PLEKHM2: variants seen among roughly 807,000 people sequenced by gnomAD.
PLEKHM2 encodes pleckstrin homology domain-containing family M member 2.
In PLEKHM2, 77 loss-of-function variants were observed where a neutral mutation model predicts 116.3. That is an observed-to-expected ratio of 0.66 (90% CI 0.55 to 0.80). The LOEUF (loss-of-function observed/expected upper bound fraction) is 0.80. Ranked by LOEUF, PLEKHM2 falls within the 30% of genes least tolerant of loss-of-function variation. The pLI is 0.00. For synonymous variants in PLEKHM2, 562 were observed against 571.0 expected (o/e 0.98, Z 0.22); for missense variants, 1,183 against 1,354.9 (o/e 0.87, Z 1.99).
At chr1:15,733,106 G>C (rs1042701104) in intron 19 of PLEKHM2, among the ~76,000 whole-genome samples, 1 of 152,244 alleles carries the variant, frequency 6.6e-6, no homozygotes, top group African/African-American at 2.4e-5. Flanking sequence ...GGGTGATTGA[G>C]GGTGGCCTGG....
chr1:15,728,093 A>G lies in PLEKHM2; in HGVS notation c.1775A>G (p.His592Arg), dbSNP rs1039237522. 2 of 1,610,484 alleles carry G rather than the reference A, an allele frequency of 1.2e-6. No individual in the cohort carries two copies. Among genetic ancestry groups the G allele is most frequent in the African/African-American group, 1.3e-5 (1 of 74,858 alleles). Residue 592 changes from histidine (H) to arginine (R), a missense_variant, in exon 10 of 20, where the codon CAC (histidine) becomes CGC (arginine). Transcript: ENST00000375799. This position sits in a 1 kb window ranked among gnomAD's most constrained non-coding sequence, Gnocchi z 5.9. ...GGCCCTCACAGAGTAGACAACAATC[A>G]CCTGCTCCTGCTCATGATCCACGTG... ...HSSEFRVDNN[H>R]LLLLMIHVFR...
intron 1 of PLEKHM2, among the ~76,000 whole-genome samples, chr1:15,708,170 C>T (rs527614174): frequency 6.6e-6 from 1 of 151,664 alleles, no homozygotes; most frequent in Admixed American, 6.6e-5. Flanking sequence ...CCAGCGTGAG[C>T]CACTGCACCT....
intron 1 of PLEKHM2, among the ~76,000 whole-genome samples, chr1:15,712,859 G>C (rs920113457): frequency 6.6e-6 from 1 of 151,900 alleles, no homozygotes; most frequent in Non-Finnish European, 1.5e-5. Flanking sequence ...GGAGTGCAGT[G>C]GTGCAATCTT....
At chr1:15,733,042 G>A (rs2068169196) in intron 19 of PLEKHM2, among the ~76,000 whole-genome samples, 1 of 152,268 alleles carries the variant, frequency 6.6e-6, no homozygotes, top group Admixed American at 6.5e-5. Context: ...GCCCTGGGAG[G>A]TGGGTGTGGG....
chr1:15,718,649 C>T (rs1641496327), intron 5 of PLEKHM2, 24 bp downstream of exon 5: 1 of 686,388 alleles, frequency 1.5e-6, no homozygotes, highest in Non-Finnish European at 2.2e-6. Flanking sequence ...GCTCTCACTG[C>T]TTGTGGGAAG....
At chr1:15,709,316 CT>C (rs1193777774) in intron 1 of PLEKHM2, among the ~76,000 whole-genome samples, 2 of 152,162 alleles carry the variant, frequency 1.3e-5, no homozygotes, top group Non-Finnish European at 2.9e-5. Context: ...GTCCTCATTT[CT>C]TCGATGTTTG....
At chr1:15,711,620 A>C (rs1641331932) in intron 1 of PLEKHM2, among the ~76,000 whole-genome samples, 1 of 151,878 alleles carries the variant, frequency 6.6e-6, no homozygotes, top group South Asian at 2.1e-4. Flanking sequence ...CCATCTCAAA[A>C]AAAAAAAAGA....
chr1:15,720,490 C>T, intron 6 of PLEKHM2: 1 of 985,026 alleles, frequency 1.0e-6, no homozygotes. Flanking sequence ...AGCTGCAGGT[C>T]ATTTTGTTGT....
At chr1:15,693,521 G>A (rs142127011) in intron 1 of PLEKHM2, among the ~76,000 whole-genome samples, 1 of 152,340 alleles carries the variant, frequency 6.6e-6, no homozygotes, top group East Asian at 1.9e-4. Context: ...AAGGCCCTGT[G>A]TGATGATTTG....
At chr1:15,722,505 G>A (rs2068008653) in intron 7 of PLEKHM2, among the ~76,000 whole-genome samples, 1 of 152,162 alleles carries the variant, frequency 6.6e-6, no homozygotes, top group Non-Finnish European at 1.5e-5. Context: ...GAACAGGGGA[G>A]GTGAGGGAAC....
At chr1:15,720,222 C>G (rs979793577) in intron 6 of PLEKHM2, 2 of 399,382 alleles carry the variant, frequency 5.0e-6, no homozygotes, top group African/African-American at 4.4e-5. Flanking sequence ...GTTTTCTAAG[C>G]AAGGAAGGTT....
At position 15,730,581 on chromosome 1, in the gene PLEKHM2, C is replaced by A. The variant is rs1418243675; in HGVS notation, c.2258C>A (p.Pro753His). ...RFYGLVHWEDPTDESLGPTPC... is the reference protein window; with the variant it reads ...RFYGLVHWEDHTDESLGPTPC... ...TACGGCCTTGTGCACTGGGAGGACC[C>A]CACAGACGAGTCCCTGGGCCCCACG... The change falls in exon 15 of 20, where the codon CCC becomes CAC. Residue 753 changes from proline to histidine, a missense_variant. Coordinates refer to ENST00000375799, the MANE Select transcript of PLEKHM2 (RefSeq NM_015164.4). 1 of 1,605,286 alleles carries A rather than the reference C, an allele frequency of 6.2e-7. No individual in the cohort carries two copies. The highest frequency in any genetic ancestry group is 1.7e-5 in the Admixed American group (1 of 59,056).
chr1:15,712,198 A>G (rs2148352572), intron 1 of PLEKHM2, among the ~76,000 whole-genome samples: 1 of 152,220 alleles, frequency 6.6e-6, no homozygotes, highest in East Asian at 1.9e-4. Flanking sequence ...AAAGGCTGTG[A>G]ATACTTAGTT....
chr1:15,725,293 T>TCTC (rs1315486709), intron 7 of PLEKHM2, 24 bp from the exon 8 acceptor site: 1 of 1,526,122 alleles, frequency 6.6e-7, no homozygotes. Flanking sequence ...TGACAGGGTG[T>TCTC]CTCCTGCTTC....
At position 15,731,926 on chromosome 1, in the gene PLEKHM2, A is replaced by G. The variant is rs1458797424; in HGVS notation, c.2503A>G (p.Thr835Ala). 1 of 1,611,296 alleles carries G rather than the reference A, an allele frequency of 6.2e-7. No individual in the cohort carries two copies. Among genetic ancestry groups the G allele is most frequent in the Non-Finnish European group, 8.5e-7 (1 of 1,179,282 alleles). The change falls in exon 17 of 20, where the codon ACG becomes GCG. Residue 835 changes from threonine to alanine, a missense_variant. Around this residue, in one of 3 missense-constraint regions of PLEKHM2, gnomAD observed 594 missense variants for 720.1 expected, o/e 0.82. Coordinates refer to ENST00000375799, the MANE Select transcript of PLEKHM2 (RefSeq NM_015164.4). The stretch of plus-strand genomic sequence containing the variant: ...CGGTGGCTGCCGGAGAGCCAACACC[A>G]CGGATCGGCCCCACGCCTTCCAGGT... ...QCGGCRRANT[T>A]DRPHAFQVIL...
At chr1:15,682,618 CAAAAACA>C (rs1640668417), upstream of PLEKHM2, among the ~76,000 whole-genome samples, 1 of 107,692 alleles carries the variant, frequency 9.3e-6, no homozygotes, top group Non-Finnish European at 1.8e-5. Flanking sequence ...GGCTCTGTCT[CAAAAACA>C]AACAAAACAA....
At chr1:15,723,744 CAAA>C (rs1056474462) in intron 7 of PLEKHM2, among the ~76,000 whole-genome samples, 15,434 of 75,576 alleles carry the variant, frequency 0.2, 851 homozygotes, top group Middle Eastern at 0.24. Flanking sequence ...GACCCTGTCT[CAAA>C]AAAAAAAAAA....
chr1:15,724,335 T>A (rs1238307098), intron 7 of PLEKHM2, among the ~76,000 whole-genome samples: 1 of 151,908 alleles, frequency 6.6e-6, no homozygotes, highest in Non-Finnish European at 1.5e-5. Flanking sequence ...ATACAAAAAT[T>A]AGCTGGGCAT....
At chr1:15,730,038 C>G in intron 14 of PLEKHM2, 109 bp downstream of exon 14, 1 of 470,212 alleles carries the variant, frequency 2.1e-6, no homozygotes, top group Non-Finnish European at 3.6e-6. Context: ...ATTTCACAAT[C>G]GCCTACCTGG....
Sources: gnomAD v4.1 joint callset for allele counts (sites outside exome capture counted in the v4.1 genomes callset) on GRCh38, gnomAD v4.1.1 for gene constraint, gnomAD v4.1.1 regional missense constraint, Gnocchi (gnomAD v3.1) non-coding constraint, MANE v1.5 for transcripts, NCBI Gene and HGNC (gene_info 2026-07-23, HGNC 2026-07-21) for gene names.